Variants in FER observed in about 807,000 individuals in gnomAD.
FER encodes FER tyrosine kinase, also known as tyrosine-protein kinase Fer.
In FER, 63 loss-of-function variants were observed where a neutral mutation model predicts 111.0. The ratio of observed to expected loss-of-function variants is 0.57; its 90% CI spans 0.46 to 0.70. The LOEUF (loss-of-function observed/expected upper bound fraction) is 0.70, where lower values mean the gene tolerates loss of function less well. FER is among the 30% of genes least tolerant of loss of function. The pLI is 0.00. For synonymous variants in FER, 327 were observed against 313.9 expected (o/e 1.04, Z -0.44); for missense variants, 914 against 954.0 (o/e 0.96, Z 0.55).
chr5:109,180,117 A>C (rs1291305734), intron 17 of FER, among the ~76,000 whole-genome samples: 2 of 152,142 alleles, frequency 1.3e-5, no homozygotes, highest in South Asian at 4.1e-4. Context: ...GAAGCCCAGT[A>C]TGGATGGGAT....
chr5:108,894,568 C>T (rs533527855), intron 9 of FER: 4 of 411,190 alleles, frequency 9.7e-6, no homozygotes, highest in South Asian at 4.4e-5. Context: ...ATGCTCAGGT[C>T]ATTCTTGAGT....
chr5:109,032,609 G>T (rs1218985899), intron 13 of FER, among the ~76,000 whole-genome samples: 1 of 152,050 alleles, frequency 6.6e-6, no homozygotes, highest in Non-Finnish European at 1.5e-5. Flanking sequence ...CCCCAGAAGG[G>T]CAGTTAATCC....
intron 17 of FER, among the ~76,000 whole-genome samples, chr5:109,175,926 C>G (rs2126825756): frequency 6.6e-6 from 1 of 152,278 alleles, no homozygotes; most frequent in South Asian, 2.1e-4. Flanking sequence ...TTGCAGTGAG[C>G]CGAGATCGTG....
At chr5:108,898,727 C>A (rs1283142253) in intron 10 of FER, among the ~76,000 whole-genome samples, 3 of 150,208 alleles carry the variant, frequency 2.0e-5, no homozygotes, top group South Asian at 4.2e-4. Flanking sequence ...ACCTATTGAT[C>A]TATCTATCTA....
intron 16 of FER, among the ~76,000 whole-genome samples, chr5:109,083,636 T>G (rs76966364): frequency 0.045 from 6,855 of 152,148 alleles, 190 homozygotes; most frequent in South Asian, 0.085. Context: ...CACAGATCAC[T>G]TGCATGTCTG....
At chr5:108,969,553 GA>G (rs1302557412) in intron 13 of FER, among the ~76,000 whole-genome samples, 1 of 152,014 alleles carries the variant, frequency 6.6e-6, no homozygotes, top group Non-Finnish European at 1.5e-5. Context: ...GGAGGTGGTT[GA>G]AATTGAAAGC....
intron 16 of FER, chr5:109,052,158 C>T (rs1254744448): frequency 4.4e-6 from 7 of 1,607,330 alleles, no homozygotes; most frequent in African/African-American, 1.3e-5. Flanking sequence ...CTTCCTTTTG[C>T]ATCACATAGA....
At chr5:109,117,238 T>G (rs941376560) in intron 17 of FER, among the ~76,000 whole-genome samples, 6 of 152,258 alleles carry the variant, frequency 3.9e-5, no homozygotes, top group Admixed American at 2.6e-4. Context: ...TTAGTCTACT[T>G]AAGTCTATTT....
chr5:108,884,512 G>GTTTTTTTTTTTTTTTTTTTT (rs776345488), intron 9 of FER, among the ~76,000 whole-genome samples: 6 of 144,542 alleles, frequency 4.2e-5, no homozygotes, highest in African/African-American at 7.7e-5. Flanking sequence ...CTTATGCCTG[G>GTTTTTTTTTTTTTTTTTTTT]TTTTTTTTTT....
At chr5:109,060,393 T>TA (rs1774238152) in intron 16 of FER, among the ~76,000 whole-genome samples, 1 of 152,200 alleles carries the variant, frequency 6.6e-6, no homozygotes, top group Non-Finnish European at 1.5e-5. Context: ...TTACTCAACT[T>TA]ACTTTTAACC....
chr5:108,957,871 CTG>C (rs1328808786), intron 12 of FER, among the ~76,000 whole-genome samples: 1 of 151,522 alleles, frequency 6.6e-6, no homozygotes, highest in African/African-American at 2.4e-5. Context: ...AGCTGAGACA[CTG>C]AGAGATCTTT....
At chr5:109,012,078 C>A (rs1330926112) in intron 13 of FER, among the ~76,000 whole-genome samples, 2 of 152,236 alleles carry the variant, frequency 1.3e-5, no homozygotes, top group African/African-American at 4.8e-5. Flanking sequence ...CTCTTCTCTG[C>A]ATTCGCCGCA....
chr5:108,876,691 A>G (rs929746948), intron 8 of FER, among the ~76,000 whole-genome samples: 1 of 152,216 alleles, frequency 6.6e-6, no homozygotes, highest in Non-Finnish European at 1.5e-5. Context: ...TCTTATGGTC[A>G]TGGATTGCTA....
chr5:108,856,761 A>G (rs1002272375), intron 5 of FER, among the ~76,000 whole-genome samples: 1 of 152,000 alleles, frequency 6.6e-6, no homozygotes, highest in Non-Finnish European at 1.5e-5. Context: ...GTAGAGTTAA[A>G]TCTTTTTTTT....
intron 3 of FER, among the ~76,000 whole-genome samples, chr5:108,805,736 T>C (rs1757137681): frequency 6.6e-6 from 1 of 151,984 alleles, no homozygotes; most frequent in South Asian, 2.1e-4. Flanking sequence ...AATTTGAACT[T>C]GAGAGAGATG....
At chr5:109,119,642 C>CT (rs1750712216) in intron 17 of FER, among the ~76,000 whole-genome samples, 1 of 152,048 alleles carries the variant, frequency 6.6e-6, no homozygotes, top group African/African-American at 2.4e-5. Flanking sequence ...GTGTGGGAGT[C>CT]TAAGTCTCTT....
intron 13 of FER, among the ~76,000 whole-genome samples, chr5:109,031,851 C>T (rs906217465): frequency 2.0e-5 from 3 of 152,158 alleles, no homozygotes; most frequent in Admixed American, 2.0e-4. Flanking sequence ...TTTGTCATCA[C>T]TTACATTACT....
At chr5:108,768,828 ATT>A (rs113751321) in intron 2 of FER, among the ~76,000 whole-genome samples, 2 of 146,444 alleles carry the variant, frequency 1.4e-5, no homozygotes. Context: ...TTATAATACA[ATT>A]TTTTTTTTTT....
At chr5:108,870,037 C>A (rs1034322896) in intron 6 of FER, among the ~76,000 whole-genome samples, 1 of 152,000 alleles carries the variant, frequency 6.6e-6, no homozygotes, top group Admixed American at 6.6e-5. Context: ...TATTTCCTTT[C>A]CTACTTTCAT....
Sources: gnomAD v4.1 joint callset for allele counts (sites outside exome capture counted in the v4.1 genomes callset) on GRCh38, gnomAD v4.1.1 for gene constraint, MANE v1.5 for transcripts, NCBI Gene and HGNC (gene_info 2026-07-23, HGNC 2026-07-21) for gene names.